ITPR1: variants seen among roughly 807,000 people sequenced by gnomAD.
ITPR1 encodes inositol 1,4,5-trisphosphate-gated calcium channel ITPR1.
Under a neutral mutation model 318.4 loss-of-function variants are expected in ITPR1, and 96 were observed. The ratio of observed to expected loss-of-function variants is 0.30; its 90% confidence interval spans 0.26 to 0.36. The LOEUF (loss-of-function observed/expected upper bound fraction) is 0.36, where lower values mean the gene tolerates loss of function less well. Among genes scored for constraint, ITPR1 ranks in the 10% least tolerant of loss-of-function variants. ITPR1 has a pLI of 1.00. For synonymous variants in ITPR1, 1,312 were observed against 1,289.9 expected (o/e 1.02, Z -0.37); for missense variants, 2,440 against 3,460.2 (o/e 0.71, Z 7.40).
chr3:4,597,236 A>C (rs2090902164), intron 4 of ITPR1, among the ~76,000 whole-genome samples: 1 of 152,214 alleles, frequency 6.6e-6, no homozygotes, highest in Non-Finnish European at 1.5e-5. Flanking sequence ...AGCCTGTTTA[A>C]AACATTGTGT....
chr3:4,703,805 G>A (rs1439304529), intron 36 of ITPR1, among the ~76,000 whole-genome samples: 1 of 152,134 alleles, frequency 6.6e-6, no homozygotes, highest in Non-Finnish European at 1.5e-5. Flanking sequence ...ACTCTCCTAT[G>A]GTAGGTGTTG....
intron 4 of ITPR1, among the ~76,000 whole-genome samples, chr3:4,525,446 C>T (rs762707204): frequency 5.9e-5 from 9 of 151,924 alleles, no homozygotes; most frequent in Non-Finnish European, 1.0e-4. Context: ...AAGTGAATTG[C>T]TTTTTTTGTG....
chr3:4,532,021 G>C (rs62231451), intron 4 of ITPR1, among the ~76,000 whole-genome samples: 92 of 152,212 alleles, frequency 6.0e-4, no homozygotes, highest in Non-Finnish European at 1.3e-3. Context: ...AGGATTAAAT[G>C]AGTTAATCTG....
intron 44 of ITPR1, among the ~76,000 whole-genome samples, chr3:4,745,857 C>T (rs552510126): frequency 1.4e-4 from 21 of 152,344 alleles, no homozygotes; most frequent in Admixed American, 1.2e-3. Flanking sequence ...CCATAGCTTT[C>T]TCAGTGGACT....
intron 44 of ITPR1, among the ~76,000 whole-genome samples, chr3:4,738,153 C>T (rs1161297976): frequency 2.0e-5 from 3 of 152,066 alleles, no homozygotes; most frequent in South Asian, 2.1e-4. Flanking sequence ...ATGTGATAAA[C>T]CCCAGTGACA....
chr3:4,831,646 T>C (rs575645221), intron 60 of ITPR1, among the ~76,000 whole-genome samples: 20 of 152,282 alleles, frequency 1.3e-4, no homozygotes, highest in African/African-American at 4.6e-4. Context: ...CAAAAATCCA[T>C]TAGAAGCCAA....
chr3:4,670,891 G>A lies in ITPR1; in HGVS notation c.2169G>A (p.Gly723=). The A allele has an allele frequency of 6.2e-7, 1 of 1,601,908 alleles. No homozygotes were observed. The highest frequency in any genetic ancestry group is 1.7e-4 in the Middle Eastern group (1 of 5,812). ...AATTGGCTCAGGATGCTAAAGAAGG[G>A]CAGAAGGAGGACCGAGACGTTCTCA... ...VRELAQDAKE[G]QKEDRDVLSY... is the part of the protein sequence containing the mutation. The change falls in exon 20 of 62, where the codon GGG becomes GGA. Residue 723 remains glycine, a synonymous_variant. Transcript: ENST00000649015.
intron 4 of ITPR1, among the ~76,000 whole-genome samples, chr3:4,566,890 C>T (rs2087344590): frequency 6.6e-6 from 1 of 152,190 alleles, no homozygotes; most frequent in African/African-American, 2.4e-5. Context: ...TTCTTTTCCT[C>T]TCTCTTTCTC....
At chr3:4,653,332 A>G (rs1488150077) in intron 11 of ITPR1, among the ~76,000 whole-genome samples, 1 of 152,132 alleles carries the variant, frequency 6.6e-6, no homozygotes, top group African/African-American at 2.4e-5. Flanking sequence ...GATGATTTTG[A>G]TATATTTAAG....
chr3:4,814,600 C>CG, intron 58 of ITPR1, 38 bp downstream of exon 58: 1 of 512,432 alleles, frequency 2.0e-6, no homozygotes, highest in Admixed American at 3.3e-5. Context: ...GCAAAGGGGG[C>CG]GGGTGGGGTG....
intron 42 of ITPR1, among the ~76,000 whole-genome samples, chr3:4,727,869 C>T (rs1282430095): frequency 2.6e-5 from 4 of 152,224 alleles, no homozygotes; most frequent in Non-Finnish European, 5.9e-5. Flanking sequence ...TGCCACCATG[C>T]CCAGCCCCAC....
At chr3:4,693,440 G>T in intron 32 of ITPR1, 50 bp from the exon 33 acceptor site, 2 of 1,587,656 alleles carry the variant, frequency 1.3e-6, no homozygotes, top group South Asian at 1.1e-5. Context: ...TTTTCATGCT[G>T]CCCCACCCCT....
At position 4,846,158 on chromosome 3, in the gene ITPR1, A is replaced by T. The variant is rs772370042; in HGVS notation, c.8210A>T (p.Gln2737Leu). 4.5e-6 allele frequency: 7 copies of T among 1,564,664 alleles called. No individual in the cohort carries two copies. In the Middle Eastern group the frequency reaches 5.0e-4, roughly 112 times the overall value. Reference sequence around the variant, plus strand: ...TTCCAGATGACAGAACAAAGGAAGCAGAAACAAAGAATTGGTCTTCTAGGA... The same window carrying T: ...TTCCAGATGACAGAACAAAGGAAGCTGAAACAAAGAATTGGTCTTCTAGGA... ...LKDQMTEQRK[Q>L]KQRIGLLGHP... The change falls in exon 62 of 62, where the codon CAG becomes CTG. Residue 2737 changes from glutamine to leucine, a missense_variant. Physicochemically the swap from Gln to Leu is moderately radical, Grantham distance 113. Around this residue, in one of 23 missense-constraint regions of ITPR1, gnomAD observed 63 missense variants for 63.4 expected, o/e 0.99. Coordinates refer to ENST00000649015, the MANE Select transcript of ITPR1 (RefSeq NM_001378452.1).
intron 34 of ITPR1, among the ~76,000 whole-genome samples, 197 bp downstream of exon 34, chr3:4,697,469 T>TTTTTTTTTTTTTTTA (rs1559719610): frequency 3.4e-5 from 5 of 149,100 alleles, no homozygotes; most frequent in South Asian, 2.1e-4. Flanking sequence ...TTTTTTTTTT[T>TTTTTTTTTTTTTTTA]GAGCTGGAGT....
Position 4,806,282 on chromosome 3 carries a change from T to C in ITPR1, c.7272+15T>C. The stretch of plus-strand genomic sequence containing the variant: ...ACAGTCTGCTGGTGAGTACCTGGTG[T>C]GGAAATATTTTATGTGTGGGGAAAC... On this transcript the variant is annotated intron_variant, in intron 55 of 61. Coordinates refer to ENST00000649015, the MANE Select transcript of ITPR1 (RefSeq NM_001378452.1). 1 of 1,612,024 alleles carries C rather than the reference T, an allele frequency of 6.2e-7. No homozygotes were observed. Among genetic ancestry groups the C allele is most frequent in the Non-Finnish European group, 8.5e-7 (1 of 1,178,104 alleles).
intron 42 of ITPR1, 117 bp from the exon 43 acceptor site, chr3:4,732,971 C>A: frequency 3.0e-6 from 3 of 991,734 alleles, no homozygotes; most frequent in African/African-American, 1.6e-5. Context: ...ATAATTTATT[C>A]TTTCGCCAAG....
At chr3:4,760,814 C>T (rs1213552807) in intron 44 of ITPR1, among the ~76,000 whole-genome samples, 1 of 152,208 alleles carries the variant, frequency 6.6e-6, no homozygotes, top group Non-Finnish European at 1.5e-5. Flanking sequence ...TGCCTCCTGC[C>T]TCCACAGCGA....
In ITPR1 at chr3:4,639,425, C is replaced by T. The variant is rs1164447682; in HGVS notation, c.321C>T (p.Asn107=). The part of the protein sequence containing the change: ...DLEKKQNETE[N]RKLLGTVIQY... ...AAAAGAAGCAGAATGAGACAGAAAA[C>T]AGGAAATTGCTGGGGACCGTAATCC... The change falls in exon 6 of 62, where the codon AAC becomes AAT. Residue 107 remains asparagine, a synonymous_variant. Coordinates refer to ENST00000649015, the MANE Select transcript of ITPR1 (RefSeq NM_001378452.1). The T allele has an allele frequency of 1.3e-6, 2 of 1,580,520 alleles. No homozygotes were observed. The highest frequency in any genetic ancestry group is 2.3e-5 in the South Asian group (2 of 85,698).
intron 4 of ITPR1, among the ~76,000 whole-genome samples, chr3:4,587,631 C>T (rs1429838593): frequency 6.6e-6 from 1 of 152,058 alleles, no homozygotes; most frequent in Non-Finnish European, 1.5e-5. Flanking sequence ...ACTCTCTTAC[C>T]CTTTCAGTCT....
Sources: gnomAD v4.1 joint callset for allele counts (sites outside exome capture counted in the v4.1 genomes callset) on GRCh38, gnomAD v4.1.1 for gene constraint, gnomAD v4.1.1 regional missense constraint, MANE v1.5 for transcripts, NCBI Gene and HGNC (gene_info 2026-07-23, HGNC 2026-07-21) for gene names.